Variants in PRDM11 observed in about 807,000 individuals in gnomAD.
PRDM11 encodes the protein PR/SET domain 11, also known as PR domain-containing protein 11.
PRDM11 carries 20 observed loss-of-function variants against 97.8 expected under a neutral mutation model. The observed-to-expected ratio is 0.20, with a 90% confidence interval of 0.14 to 0.30. The LOEUF is 0.30. Among genes scored for constraint, PRDM11 ranks in the 10% least tolerant of loss-of-function variants. The pLI is 1.00. For synonymous variants in PRDM11, 599 were observed against 637.7 expected (o/e 0.94, Z 0.91); for missense variants, 1,139 against 1,555.2 (o/e 0.73, Z 4.50).
chr11:45,153,257 A>G (rs1241439772), intron 1 of PRDM11, among the ~76,000 whole-genome samples: 2 of 152,250 alleles, frequency 1.3e-5, no homozygotes, highest in African/African-American at 4.8e-5. Context: ...GGGAAAGGGA[A>G]CTGAGAAGGA....
intron 1 of PRDM11, among the ~76,000 whole-genome samples, chr11:45,156,725 C>T (rs1033218718): frequency 6.6e-6 from 1 of 152,212 alleles, no homozygotes; most frequent in African/African-American, 2.4e-5. Context: ...GCCTGGCTTG[C>T]TCATGGATAT....
chr11:45,213,239 TG>T (rs1173424979), intron 5 of PRDM11: 1 of 456,408 alleles, frequency 2.2e-6, no homozygotes, highest in African/African-American at 2.0e-5. Flanking sequence ...CCCTCATCTT[TG>T]GCGGATGCTG....
At chr11:45,220,604 G>A (rs1854093612) in intron 6 of PRDM11, among the ~76,000 whole-genome samples, 1 of 152,222 alleles carries the variant, frequency 6.6e-6, no homozygotes, top group African/African-American at 2.4e-5. Context: ...TGACTTCAAG[G>A]TCTAAGTTCT....
intron 1 of PRDM11, among the ~76,000 whole-genome samples, chr11:45,164,628 G>T (rs1282622370): frequency 6.6e-6 from 1 of 152,234 alleles, no homozygotes; most frequent in Non-Finnish European, 1.5e-5. Flanking sequence ...GTGCCTTTGG[G>T]TTATCATGAT....
chr11:45,181,671 G>A (rs1261557152), intron 1 of PRDM11, 90 bp from the exon 2 acceptor site: 12 of 1,071,490 alleles, frequency 1.1e-5, no homozygotes, highest in Non-Finnish European at 1.5e-5. Context: ...CAGACTCCGC[G>A]AGACCCCCAC....
chr11:45,169,608 T>C (rs771947073), intron 1 of PRDM11, among the ~76,000 whole-genome samples: 1 of 152,238 alleles, frequency 6.6e-6, no homozygotes, highest in African/African-American at 2.4e-5. Flanking sequence ...ACCTTGGCAA[T>C]GACCTTGAGC....
intron 1 of PRDM11, among the ~76,000 whole-genome samples, chr11:45,130,064 A>G (rs906212575): frequency 2.0e-4 from 31 of 152,304 alleles, no homozygotes; most frequent in African/African-American, 7.5e-4. Flanking sequence ...AATGTCTTAG[A>G]TCAATTGGAT....
intron 5 of PRDM11, among the ~76,000 whole-genome samples, chr11:45,218,067 A>G (rs1452166183): frequency 6.6e-6 from 1 of 152,210 alleles, no homozygotes; most frequent in Non-Finnish European, 1.5e-5. Flanking sequence ...TCCATGTCAT[A>G]AAAGATTCTT....
chr11:45,140,309 G>T (rs1852975836), intron 1 of PRDM11, among the ~76,000 whole-genome samples: 1 of 152,184 alleles, frequency 6.6e-6, no homozygotes. Context: ...AACCAGTGAG[G>T]CTCTGAGCAG....
chr11:45,188,296 A>G (rs1852783170), intron 4 of PRDM11, among the ~76,000 whole-genome samples: 5 of 152,202 alleles, frequency 3.3e-5, no homozygotes. Context: ...GTATTATTCC[A>G]TCCATTGCAC....
At chr11:45,216,477 G>C (rs575743128) in intron 5 of PRDM11, among the ~76,000 whole-genome samples, 11 of 152,264 alleles carry the variant, frequency 7.2e-5, no homozygotes, top group Non-Finnish European at 1.3e-4. Flanking sequence ...AAGGGTTCTG[G>C]GGGGTGGTCG....
chr11:45,225,014 C>G, intron 7 of PRDM11, 171 bp downstream of exon 7: 1 of 1,466,364 alleles, frequency 6.8e-7, no homozygotes, highest in Non-Finnish European at 8.9e-7. Flanking sequence ...CTCTGGCAGA[C>G]CCATCGGCAG....
chr11:45,122,608 T>C (rs1852463834), intron 1 of PRDM11, among the ~76,000 whole-genome samples: 1 of 151,820 alleles, frequency 6.6e-6, no homozygotes, highest in African/African-American at 2.4e-5. Flanking sequence ...TTTTTGTCCT[T>C]GTGATAGTTT....
At chr11:45,138,851 T>C (rs1220786130) in intron 1 of PRDM11, among the ~76,000 whole-genome samples, 1 of 152,094 alleles carries the variant, frequency 6.6e-6, no homozygotes, top group Non-Finnish European at 1.5e-5. Flanking sequence ...ACAGAAAACA[T>C]CTAAATTTCC....
chr11:45,147,021 CGCGGG>C (rs1851527519), intron 1 of PRDM11, 144 bp downstream of exon 1: 2 of 138,998 alleles, frequency 1.4e-5, no homozygotes, highest in South Asian at 4.4e-4. Context: ...TCGGCGCGGG[CGCGGG>C]GCGGGGGTCC....
intron 1 of PRDM11, among the ~76,000 whole-genome samples, chr11:45,126,951 C>G (rs1852589083): frequency 6.6e-6 from 1 of 152,240 alleles, no homozygotes; most frequent in Non-Finnish European, 1.5e-5. Flanking sequence ...TGGTTCCATT[C>G]TCCCTGTCAC....
At chr11:45,113,760 GT>G (rs1357234827) in intron 1 of PRDM11, among the ~76,000 whole-genome samples, 27 of 147,988 alleles carry the variant, frequency 1.8e-4, no homozygotes, top group Middle Eastern at 7.1e-3. Flanking sequence ...CAGCTTGGTT[GT>G]TGTTGGTGTA....
At chr11:45,099,450 T>TAAAAAAAAA (rs532403075) in intron 1 of PRDM11, among the ~76,000 whole-genome samples, 33 of 95,214 alleles carry the variant, frequency 3.5e-4, no homozygotes, top group African/African-American at 1.4e-3. Flanking sequence ...GACTCCATCT[T>TAAAAAAAAA]AAAAAAAAAA....
At chr11:45,136,712 C>T (rs1852854889) in intron 1 of PRDM11, among the ~76,000 whole-genome samples, 1 of 152,136 alleles carries the variant, frequency 6.6e-6, no homozygotes, top group Non-Finnish European at 1.5e-5. Flanking sequence ...CCCCAGATTG[C>T]CCATCCCAAC....
Sources: allele counts gnomAD v4.1 joint callset (sites outside exome capture counted in the v4.1 genomes callset), GRCh38; gene constraint gnomAD v4.1.1; transcripts MANE v1.5; gene names NCBI Gene and HGNC (gene_info 2026-07-23, HGNC 2026-07-21).